SRC: variants seen among roughly 807,000 people sequenced by gnomAD.
SRC encodes proto-oncogene tyrosine-protein kinase Src.
A neutral mutation model predicts 62.9 loss-of-function variants in SRC; 13 were observed. The observed-to-expected ratio is 0.21, with a 90% CI of 0.13 to 0.33. SRC has a LOEUF of 0.33. SRC is among the 10% of genes least tolerant of loss of function. The pLI is 1.00. For synonymous variants in SRC, 302 were observed against 317.5 expected (o/e 0.95, Z 0.52); for missense variants, 457 against 737.3 (o/e 0.62, Z 4.40).
chr20:37,399,746 A>T (rs955439425), intron 9 of SRC, among the ~76,000 whole-genome samples: 2 of 152,052 alleles, frequency 1.3e-5, no homozygotes, highest in Non-Finnish European at 2.9e-5. Context: ...GGGTTTCACC[A>T]TGTTGGCCAG....
chr20:37,373,823 A>T (rs1017393912), intron 2 of SRC, among the ~76,000 whole-genome samples: 1 of 152,130 alleles, frequency 6.6e-6, no homozygotes, highest in Non-Finnish European at 1.5e-5. Flanking sequence ...GTTTCAGGAC[A>T]ACTTTTGGAC....
At chr20:37,386,613 C>G (rs2070459730) in intron 5 of SRC, 3 of 663,002 alleles carry the variant, frequency 4.5e-6, no homozygotes, top group Non-Finnish European at 8.2e-6. Flanking sequence ...AGCTTCTCCC[C>G]TCCCCCCTCC....
intron 2 of SRC, among the ~76,000 whole-genome samples, chr20:37,382,326 T>C (rs73299319): frequency 0.018 from 2,760 of 152,266 alleles, 80 homozygotes; most frequent in African/African-American, 0.061. Context: ...TTAAGTCACA[T>C]GCCTAAGGTT....
chr20:37,376,407 G>C (rs996480967), intron 2 of SRC, among the ~76,000 whole-genome samples: 1 of 152,174 alleles, frequency 6.6e-6, no homozygotes, highest in Non-Finnish European at 1.5e-5. Flanking sequence ...CATTATGTAG[G>C]AACAATCACA....
intron 1 of SRC, among the ~76,000 whole-genome samples, chr20:37,356,028 G>C (rs535552593): frequency 6.6e-6 from 1 of 152,192 alleles, no homozygotes; most frequent in Non-Finnish European, 1.5e-5. Context: ...CGGCCTCAGA[G>C]GCTCAATTAC....
rs1303906463 is a variant in SRC, at chr20:37,377,413, C to G, written c.-172-5206C>G. ...GGAGTCCTCACTCTCAGCTCCTAAGCTCCTGGCCTACTCTCCACCCTTAGA... is the reference window on the plus strand; with the variant it reads ...GGAGTCCTCACTCTCAGCTCCTAAGGTCCTGGCCTACTCTCCACCCTTAGA... On this transcript the variant is annotated intron_variant, in intron 2 of 13. Coordinates refer to ENST00000373578, the MANE Select transcript of SRC (RefSeq NM_198291.3). 3.9e-5 allele frequency among the ~76,000 whole-genome samples: 6 copies of G among 152,226 alleles called. No homozygotes were observed. In the East Asian group the frequency reaches 1.2e-3, roughly 29 times the overall value.
intron 7 of SRC, among the ~76,000 whole-genome samples, chr20:37,394,731 C>T (rs1363411591): frequency 6.6e-6 from 1 of 152,142 alleles, no homozygotes; most frequent in Non-Finnish European, 1.5e-5. Context: ...AAGACCATCC[C>T]CTTTCTCTCC....
At position 37,384,466 on chromosome 20, in the gene SRC, C is replaced by T; in HGVS notation, c.250+63C>T. On this transcript the variant is annotated intron_variant, in intron 4 of 13. Coordinates refer to ENST00000373578, the MANE Select transcript of SRC (RefSeq NM_198291.3). This position sits in a 1 kb window ranked among gnomAD's most constrained non-coding sequence, Gnocchi z 6.7. ...GGGCCACGGCGGGGAGGCGGCGGGGCTGTGTGCCCGGGGTCGCCCCCTCTG... is the reference window on the plus strand; with the variant it reads ...GGGCCACGGCGGGGAGGCGGCGGGGTTGTGTGCCCGGGGTCGCCCCCTCTG... 7.8e-7 allele frequency: 1 copy of T among 1,274,038 alleles called. No individual in the cohort carries two copies. The highest frequency in any genetic ancestry group is 3.4e-5 in the East Asian group (1 of 29,140). 78.9% of individuals were successfully genotyped at this position (1,274,038 alleles called of 1,614,324 possible).
At chr20:37,356,122 G>A (rs2069878561) in intron 1 of SRC, among the ~76,000 whole-genome samples, 1 of 152,230 alleles carries the variant, frequency 6.6e-6, no homozygotes, top group Non-Finnish European at 1.5e-5. Flanking sequence ...GCTGACCTGG[G>A]GCCTTGGAGG....
intron 5 of SRC, among the ~76,000 whole-genome samples, chr20:37,391,864 A>T (rs1276322567): frequency 6.6e-6 from 1 of 152,116 alleles, no homozygotes; most frequent in African/African-American, 2.4e-5. Context: ...AAAAAAATAA[A>T]TAAATAAATA....
At chr20:37,374,571 CTTT>C (rs71187927) in intron 2 of SRC, among the ~76,000 whole-genome samples, 20 of 88,928 alleles carry the variant, frequency 2.2e-4, no homozygotes, top group Admixed American at 7.1e-4. Context: ...TAATAATACT[CTTT>C]TTTTTTTTTT....
At chr20:37,356,559 T>G (rs2069884867) in intron 1 of SRC, among the ~76,000 whole-genome samples, 1 of 152,098 alleles carries the variant, frequency 6.6e-6, no homozygotes, top group Non-Finnish European at 1.5e-5. Flanking sequence ...TGGGTCCTTC[T>G]GCCTGTCCAT....
At position 37,353,850 on chromosome 20, in the gene SRC, TCTC is replaced by T. The variant is rs951740927; in HGVS notation, c.-247+7599_-247+7601del. Reference sequence around the variant, plus strand: ...TGGGCAGCGTGAAGACAGGGAGACTTCTCCTCTACCCCCAACTGCTGTCACCCA... The same window carrying T: ...TGGGCAGCGTGAAGACAGGGAGACTTCTCTACCCCCAACTGCTGTCACCCA... On this transcript the variant is annotated intron_variant, in intron 1 of 13. Transcript: ENST00000373578. Among the ~76,000 whole-genome samples the T allele has an allele frequency of 1.8e-4, 28 of 152,130 alleles. 4 individuals are homozygous for T. Among genetic ancestry groups the T allele is most frequent in the Admixed American group, 1.6e-3 (24 of 15,272 alleles).
chr20:37,393,654 C>A, intron 5 of SRC: 1 of 532,086 alleles, frequency 1.9e-6, no homozygotes, highest in South Asian at 2.8e-5. Flanking sequence ...CCAGTCCTGC[C>A]CTGGTCCAAG....
In SRC at chr20:37,403,256, C is replaced by T; in HGVS notation, c.1488C>T (p.Asp496=). 1 of 1,593,594 alleles carries T rather than the reference C, an allele frequency of 6.3e-7. No individual in the cohort carries two copies. Among genetic ancestry groups the T allele is most frequent in the Middle Eastern group, 1.7e-4 (1 of 5,884 alleles). Residue 496 remains aspartate (D), a synonymous_variant, in exon 14 of 14, where the codon GAC becomes GAT. Transcript: ENST00000373578. The surrounding 1 kb of genome is among the most constrained non-coding windows in gnomAD (Gnocchi z 7.1). ...CPPECPESLH[D]LMCQCWRKEP... is the part of the protein sequence containing the mutation. ...CGGAGTGTCCCGAGTCCCTGCACGACCTCATGTGCCAGTGCTGGCGGAAGG... is the reference window on the plus strand; with the variant it reads ...CGGAGTGTCCCGAGTCCCTGCACGATCTCATGTGCCAGTGCTGGCGGAAGG...
chr20:37,384,570 CTG>C lies in SRC; in HGVS notation c.250+170_250+171del, dbSNP rs1417691122. Among the ~76,000 whole-genome samples the C allele has an allele frequency of 2.6e-5, 4 of 151,954 alleles. No individual in the cohort carries two copies. The highest frequency in any genetic ancestry group is 5.9e-5 in the Non-Finnish European group (4 of 68,008). ...GGGGGTGGGGGGGCGGCCGTACACACTGTGAAGCGTCCGCGCCGCCGCCGCTG... is the reference window on the plus strand; with the variant it reads ...GGGGGTGGGGGGGCGGCCGTACACACTGAAGCGTCCGCGCCGCCGCCGCTG... On this transcript the variant is annotated intron_variant, in intron 4 of 13. Transcript: ENST00000373578. The surrounding 1 kb of genome is among the most constrained non-coding windows in gnomAD (Gnocchi z 6.7).
At chr20:37,356,057 G>A (rs1009898628) in intron 1 of SRC, among the ~76,000 whole-genome samples, 1 of 152,220 alleles carries the variant, frequency 6.6e-6, no homozygotes, top group Non-Finnish European at 1.5e-5. Flanking sequence ...AGTAAAGGCA[G>A]CCCACAGGGT....
Position 37,384,262 on chromosome 20 carries a change from AC to A in SRC, c.114del (p.Ser39AlafsTer48). ...CGGGGGCGCTTTCCCCGCCTCGCAGACCCCCAGCAAGCCAGCCTCGGCCGAC... is the reference window on the plus strand; with the variant it reads ...CGGGGGCGCTTTCCCCGCCTCGCAGACCCCAGCAAGCCAGCCTCGGCCGAC... ...AGGGAFPASQ[T>X]PSKPASADGH... On this transcript the variant is annotated frameshift_variant, in exon 4 of 14. Coordinates refer to ENST00000373578, the MANE Select transcript of SRC (RefSeq NM_198291.3). LOFTEE classifies it high-confidence loss of function. The surrounding 1 kb of genome is among the most constrained non-coding windows in gnomAD (Gnocchi z 6.7). 1 of 1,555,296 alleles carries A rather than the reference AC, an allele frequency of 6.4e-7. No homozygotes were observed. The highest frequency in any genetic ancestry group is 1.2e-5 in the South Asian group (1 of 86,842).
At chr20:37,371,498 A>C (rs776101727) in intron 2 of SRC, among the ~76,000 whole-genome samples, 1 of 151,912 alleles carries the variant, frequency 6.6e-6, no homozygotes, top group African/African-American at 2.4e-5. Context: ...AAGGTTTGTC[A>C]ATCTTGTTGA....
Sources: gnomAD v4.1 joint callset for allele counts (sites outside exome capture counted in the v4.1 genomes callset) on GRCh38, gnomAD v4.1.1 for gene constraint, Gnocchi (gnomAD v3.1) non-coding constraint, MANE v1.5 for transcripts, NCBI Gene and HGNC (gene_info 2026-07-23, HGNC 2026-07-21) for gene names.